Variants in NLRP4 observed in about 807,000 individuals in gnomAD.
The protein encoded by NLRP4 is NLR family pyrin domain containing 4.
NLRP4 carries 44 observed loss-of-function variants against 84.7 expected under a neutral mutation model. The ratio of observed to expected loss-of-function variants is 0.52; its 90% CI spans 0.41 to 0.67. The LOEUF (loss-of-function observed/expected upper bound fraction) is 0.67. NLRP4 is among the 30% of genes least tolerant of loss of function. The probability of loss-of-function intolerance (pLI) is 0.00; values close to 1 mark genes in which losing one functional copy is unlikely to be tolerated. For missense variants in NLRP4, 1,260 were observed against 1,219.4 expected (o/e 1.03, Z -0.50); for synonymous variants, 544 against 476.4 (o/e 1.14, Z -1.85).
In NLRP4 at chr19:55,873,611, GTTAATC is replaced by G. The variant is rs1985268183; in HGVS notation, c.2525+2619_2525+2624del. Among the ~76,000 whole-genome samples the G allele has an allele frequency of 2.0e-5, 3 of 152,046 alleles. No individual in the cohort carries two copies. The South Asian group carries it at 6.2e-4, about 31-fold the overall frequency. On this transcript the variant is annotated intron_variant, in intron 7 of 9. Coordinates refer to ENST00000301295, the MANE Select transcript of NLRP4 (RefSeq NM_134444.5). ...CCACTGAACTGTTCACTTTAATATA[GTTAATC>G]TTAAGTAAATTTTACCTCAATAAAA...
intron 7 of NLRP4, among the ~76,000 whole-genome samples, chr19:55,873,468 A>G (rs982240417): frequency 6.6e-6 from 1 of 152,182 alleles, no homozygotes; most frequent in Non-Finnish European, 1.5e-5. Context: ...TAGTAATTAA[A>G]CGAACAGATT....
chr19:55,878,088 G>C (rs933181465), intron 8 of NLRP4, among the ~76,000 whole-genome samples: 1 of 152,146 alleles, frequency 6.6e-6, no homozygotes, highest in African/African-American at 2.4e-5. Context: ...AGAACAGGCT[G>C]GGCAACATGG....
At chr19:55,867,976 G>C in intron 6 of NLRP4, 100 bp downstream of exon 6, 1 of 1,064,744 alleles carries the variant, frequency 9.4e-7, no homozygotes, top group East Asian at 2.4e-5. Context: ...GCCACATAGC[G>C]GAGGTTTAAA....
Position 55,852,266 on chromosome 19 carries a change from C to G in NLRP4, c.186C>G (p.His62Gln). ...REELANLLIK[H>Q]YEEQQAWNIT... ...AACTTGCAAACCTCTTGATCAAGCA[C>G]TATGAAGAACAACAAGCTTGGAACA... The change falls in exon 2 of 10, where the codon CAC becomes CAG. Residue 62 changes from histidine (H) to glutamine (Q), a missense_variant. His to Gln is a conservative substitution (Grantham distance 24, BLOSUM62 0). This residue lies in a region of NLRP4 where 712 missense variants were observed against 669.2 expected (regional missense o/e 1.06). Transcript: ENST00000301295. The G allele has an allele frequency of 6.2e-7, 1 of 1,606,936 alleles. No individual in the cohort carries two copies. The highest frequency in any genetic ancestry group is 8.5e-7 in the Non-Finnish European group (1 of 1,177,320).
intron 5 of NLRP4, among the ~76,000 whole-genome samples, chr19:55,864,844 G>A (rs1984893380): frequency 1.3e-5 from 2 of 152,076 alleles, no homozygotes; most frequent in East Asian, 1.9e-4. Flanking sequence ...CTAATGATGA[G>A]CATCTTTTCC....
chr19:55,837,514 A>G (rs1397987281), intron 1 of NLRP4, among the ~76,000 whole-genome samples: 1 of 152,062 alleles, frequency 6.6e-6, no homozygotes, highest in African/African-American at 2.4e-5. Flanking sequence ...ATTTGTTTAG[A>G]CTATGAAACG....
rs1415380363 is a variant in NLRP4, at chr19:55,850,872, A to T, written c.-65-1144A>T. On this transcript the variant is annotated intron_variant, in intron 1 of 9. Coordinates refer to ENST00000301295, the MANE Select transcript of NLRP4 (RefSeq NM_134444.5). ...TTACGAGGCTGCGGTGTAATTTACG[A>T]GGCTGCGGTGTAATGTCCGTGGCTG... Among the ~76,000 whole-genome samples, 134 of 49,674 alleles carry T rather than the reference A, an allele frequency of 2.7e-3. 4 individuals carry two copies. Among genetic ancestry groups the T allele is most frequent in the East Asian group, 0.013 (17 of 1,306 alleles). The allele number at this position is 49,674 out of a possible 152,430, so 32.6% of individuals were successfully genotyped here.
At position 55,858,733 on chromosome 19, in the gene NLRP4, C is replaced by G; in HGVS notation, c.1340C>G (p.Ser447Cys). 3 of 1,614,170 alleles carry G rather than the reference C, an allele frequency of 1.9e-6. No homozygotes were observed. Among genetic ancestry groups the G allele is most frequent in the Non-Finnish European group, 1.7e-6 (2 of 1,180,024 alleles). Residue 447 changes from serine (S) to cysteine (C), a missense_variant, in exon 3 of 10, where the codon TCC becomes TGC. This residue lies in a region of NLRP4 where 712 missense variants were observed against 669.2 expected (regional missense o/e 1.06). Coordinates refer to ENST00000301295, the MANE Select transcript of NLRP4 (RefSeq NM_134444.5). The surrounding 1 kb of genome is among the most constrained non-coding windows in gnomAD (Gnocchi z 4.2). Reference protein sequence around the residue: ...ILLKYGERESSYVFLHVCIQE... With the variant: ...ILLKYGERESCYVFLHVCIQE... ...CTGAAGTACGGGGAGCGTGAGAGCT[C>G]CTACGTGTTCCTCCACGTGTGTATC...
intron 1 of NLRP4, among the ~76,000 whole-genome samples, chr19:55,847,426 C>T (rs888246918): frequency 6.6e-6 from 1 of 152,200 alleles, no homozygotes; most frequent in African/African-American, 2.4e-5. Context: ...AAAGAATGTT[C>T]TCTTGTGTGT....
chr19:55,859,197 C>T lies in NLRP4; in HGVS notation c.1804C>T (p.Leu602Phe), dbSNP rs1306022335. The change falls in exon 3 of 10, where the codon CTC becomes TTC. Residue 602 changes from leucine (L) to phenylalanine (F), a missense_variant. By Grantham distance (22) the Leu-to-Phe change is conservative. Coordinates refer to ENST00000301295, the MANE Select transcript of NLRP4 (RefSeq NM_134444.5). Reference sequence around the variant, plus strand: ...AAAATACTGCTCCAGCTTGAGGAAACTCTGTTTTTCCGTTCAAAATGTCTT... The same window carrying T: ...AAAATACTGCTCCAGCTTGAGGAAATTCTGTTTTTCCGTTCAAAATGTCTT... Reference protein sequence around the residue: ...CLKYCSSLRKLCFSVQNVFKK... With the variant: ...CLKYCSSLRKFCFSVQNVFKK... 1.9e-6 allele frequency: 3 copies of T among 1,608,062 alleles called. No individual in the cohort carries two copies. The highest frequency in any genetic ancestry group is 2.6e-6 in the Non-Finnish European group (3 of 1,174,934).
chr19:55,847,334 C>A (rs926754852), intron 1 of NLRP4, among the ~76,000 whole-genome samples: 1 of 152,056 alleles, frequency 6.6e-6, no homozygotes, highest in Admixed American at 6.5e-5. Context: ...TTATGATTTC[C>A]TTTAAAGCTC....
rs374017999 is a variant in NLRP4 at position 55,857,929 on chromosome 19, G to A, written c.536G>A (p.Arg179Gln). The change falls in exon 3 of 10, where the codon CGG becomes CAG. Residue 179 changes from arginine to glutamine, a missense_variant. Arg to Gln is a conservative substitution (Grantham distance 43). Coordinates refer to ENST00000301295, the MANE Select transcript of NLRP4 (RefSeq NM_134444.5). ...MMAWSDNKIF[R>Q]DRFLYTFYFC... ...GCCTGGTCGGACAACAAGATCTTTC[G>A]GGATAGGTTCCTGTACACGTTCTAT... is the stretch of plus-strand genomic sequence containing the variant. 33 of 1,614,022 alleles carry A rather than the reference G, an allele frequency of 2.0e-5. No individual in the cohort carries two copies. The highest frequency in any genetic ancestry group is 6.7e-5 in the East Asian group (3 of 44,886).
intron 7 of NLRP4, among the ~76,000 whole-genome samples, chr19:55,876,641 G>C (rs146189218): frequency 6.6e-6 from 1 of 152,130 alleles, no homozygotes; most frequent in Non-Finnish European, 1.5e-5. Context: ...GGGATTACAC[G>C]CATGAGCCAC....
intron 2 of NLRP4, 116 bp downstream of exon 2, chr19:55,852,476 G>GTTTTTTTT (rs11301833): frequency 4.5e-6 from 2 of 444,648 alleles, no homozygotes; most frequent in Non-Finnish European, 3.8e-6. Flanking sequence ...AAAATATTAG[G>GTTTTTTTT]TTTTTTTTTT....
At position 55,854,235 on chromosome 19, in the gene NLRP4, G is replaced by T. The variant is rs559306498; in HGVS notation, c.280+1875G>T. On this transcript the variant is annotated intron_variant, in intron 2 of 9. Coordinates refer to ENST00000301295, the MANE Select transcript of NLRP4 (RefSeq NM_134444.5). ...GATCTGCACACCTCAGCCTCTCTAAGTATTGGGATTACAGGCATGAGCCAC... is the reference window on the plus strand; with the variant it reads ...GATCTGCACACCTCAGCCTCTCTAATTATTGGGATTACAGGCATGAGCCAC... Among the ~76,000 whole-genome samples, 112 of 152,294 alleles carry T rather than the reference G, an allele frequency of 7.4e-4. 2 individuals are homozygous for T. The South Asian group carries it at 0.023, about 31-fold the overall frequency.
chr19:55,877,719 G>C (rs912525461), intron 8 of NLRP4, among the ~76,000 whole-genome samples: 2 of 152,074 alleles, frequency 1.3e-5, no homozygotes, highest in African/African-American at 4.8e-5. Context: ...TTGTCTTGTC[G>C]ATAACCATCT....
At chr19:55,866,449 C>G (rs910022863) in intron 5 of NLRP4, among the ~76,000 whole-genome samples, 8 of 152,210 alleles carry the variant, frequency 5.3e-5, no homozygotes, top group African/African-American at 1.9e-4. Flanking sequence ...ACATTTATTT[C>G]TGGACAACTC....
At chr19:55,850,622 G>A (rs1456060237) in intron 1 of NLRP4, among the ~76,000 whole-genome samples, 1 of 114,316 alleles carries the variant, frequency 8.7e-6, no homozygotes, top group Non-Finnish European at 1.7e-5. Flanking sequence ...AGGCTGCGGT[G>A]TAATGTCCGA....
rs1984776784 is a variant in NLRP4, at chr19:55,862,000, A to G, written c.2027A>G (p.Asn676Ser). 2 of 1,613,400 alleles carry G rather than the reference A, an allele frequency of 1.2e-6. No homozygotes were observed. Among genetic ancestry groups the G allele is most frequent in the Non-Finnish European group, 1.7e-6 (2 of 1,179,422 alleles). Residue 676 changes from asparagine (N) to serine (S), a missense_variant, in exon 5 of 10, where the codon AAC (asparagine) becomes AGC (serine). Physicochemically the swap from Asn to Ser is conservative, Grantham distance 46. Coordinates refer to ENST00000301295, the MANE Select transcript of NLRP4 (RefSeq NM_134444.5). ...TTTCTTTGTTTTTGCAGAATAAATA[A>G]CGTTTCCTTTTCTGGCCAGAGTGTT... Reference protein sequence around the residue: ...SCRLQKLGINNVSFSGQSVLL... With the variant: ...SCRLQKLGINSVSFSGQSVLL...
Sources: gnomAD v4.1 joint callset for allele counts (sites outside exome capture counted in the v4.1 genomes callset) on GRCh38, gnomAD v4.1.1 for gene constraint, gnomAD v4.1.1 regional missense constraint, Gnocchi (gnomAD v3.1) non-coding constraint, MANE v1.5 for transcripts, NCBI Gene and HGNC (gene_info 2026-07-23, HGNC 2026-07-21) for gene names.